The following XYLB variants were observed in gnomAD, a reference collection of about 807,000 sequenced individuals.
The protein encoded by XYLB is xylulose kinase.
Under a neutral mutation model 78.7 loss-of-function variants are expected in XYLB, and 62 were observed. That is an observed-to-expected ratio of 0.79 (90% confidence interval 0.64 to 0.97). The LOEUF (loss-of-function observed/expected upper bound fraction) is 0.97, where lower values mean the gene tolerates loss of function less well. XYLB is among the 50% of genes least tolerant of loss of function. XYLB has a pLI of 0.00. For missense variants in XYLB, 687 were observed against 676.8 expected (o/e 1.02, Z -0.17); for synonymous variants, 245 against 247.4 (o/e 0.99, Z 0.09).
chr3:38,386,968 C>A (rs1348381851), intron 15 of XYLB, among the ~76,000 whole-genome samples: 1 of 152,300 alleles, frequency 6.6e-6, no homozygotes, highest in South Asian at 2.1e-4. Context: ...TTCTTGACTT[C>A]TAATGTTTCA....
intron 14 of XYLB, 133 bp from the exon 15 acceptor site, chr3:38,379,113 A>G (rs1575495811): frequency 1.3e-6 from 1 of 789,180 alleles, no homozygotes; most frequent in Non-Finnish European, 2.2e-6. Flanking sequence ...AGGCAAAGAT[A>G]GTGGTTAAAG....
chr3:38,372,834 G>A, intron 10 of XYLB, 98 bp downstream of exon 10: 2 of 1,354,642 alleles, frequency 1.5e-6, no homozygotes, highest in Non-Finnish European at 2.1e-6. Context: ...AACCTTCTGT[G>A]GTCATTCCTC....
intron 18 of XYLB, among the ~76,000 whole-genome samples, chr3:38,408,879 T>C (rs1708450622): frequency 1.3e-5 from 2 of 152,112 alleles, no homozygotes; most frequent in Admixed American, 1.3e-4. Flanking sequence ...GGCTCTGAAA[T>C]TGTGGCAATA....
intron 3 of XYLB, among the ~76,000 whole-genome samples, chr3:38,362,592 G>A (rs1032974649): frequency 3.3e-5 from 5 of 152,120 alleles, no homozygotes; most frequent in African/African-American, 1.2e-4. Flanking sequence ...GGCCTGGGAG[G>A]TTGAGGCTGC....
At chr3:38,433,584 C>T in the XYLB span, among the ~76,000 whole-genome samples, 1 of 152,200 alleles carries the variant, frequency 6.6e-6, no homozygotes, top group Non-Finnish European at 1.5e-5. Flanking sequence ...GTTCAAAGTT[C>T]CACAGATCTC....
In XYLB at chr3:38,365,616, C is replaced by T. The variant is rs17854787; in HGVS notation, c.387C>T (p.Phe129=). Residue 129 remains phenylalanine, a synonymous_variant, in exon 6 of 19, where the codon TTC becomes TTT. Coordinates refer to ENST00000207870, the MANE Select transcript of XYLB (RefSeq NM_005108.4). The part of the protein sequence containing the change: ...LRLHQQLQDC[F]SISDCPVWMD... ...TTTGCCCTCCTTCCCAGGACTGTTT[C>T]TCCATCAGCGACTGCCCGGTGTGGA... The T allele has an allele frequency of 6.2e-7, 1 of 1,612,080 alleles. No homozygotes were observed. The highest frequency in any genetic ancestry group is 8.5e-7 in the Non-Finnish European group (1 of 1,178,626).
chr3:38,427,466 G>A, the XYLB span, among the ~76,000 whole-genome samples: 4 of 152,172 alleles, frequency 2.6e-5, no homozygotes, highest in African/African-American at 9.7e-5. Context: ...CTGGTCATTT[G>A]TGTTTTTTCT....
the XYLB span, among the ~76,000 whole-genome samples, chr3:38,437,473 C>T: frequency 1.4e-4 from 21 of 152,262 alleles, no homozygotes; most frequent in African/African-American, 3.6e-4. Flanking sequence ...TCAAATTTTG[C>T]TGTTTGTTGA....
intron 15 of XYLB, among the ~76,000 whole-genome samples, chr3:38,380,282 G>A (rs1707084824): frequency 6.6e-6 from 1 of 152,134 alleles, no homozygotes; most frequent in Non-Finnish European, 1.5e-5. Context: ...CAGGGCCGGG[G>A]GAGGCAAAAG....
intron 7 of XYLB, among the ~76,000 whole-genome samples, chr3:38,367,609 G>A (rs1559584348): frequency 6.6e-6 from 1 of 152,202 alleles, no homozygotes; most frequent in Non-Finnish European, 1.5e-5. Context: ...TTGCCTGACA[G>A]AGGACAGGAG....
At chr3:38,446,449 T>G in the XYLB span, among the ~76,000 whole-genome samples, 1 of 152,200 alleles carries the variant, frequency 6.6e-6, no homozygotes. Context: ...CCAGCTGGTT[T>G]CACCTCTCAG....
At chr3:38,392,770 T>C (rs1052135340) in intron 15 of XYLB, among the ~76,000 whole-genome samples, 3 of 152,236 alleles carry the variant, frequency 2.0e-5, no homozygotes, top group African/African-American at 7.2e-5. Context: ...GTTGCAGATA[T>C]CTCTCATTTA....
At chr3:38,432,402 A>C in the XYLB span, among the ~76,000 whole-genome samples, 1 of 152,036 alleles carries the variant, frequency 6.6e-6, no homozygotes. Flanking sequence ...TCCCATCTCT[A>C]CTAAAAATAC....
At chr3:38,371,325 G>A (rs2125593383) in intron 9 of XYLB, among the ~76,000 whole-genome samples, 1 of 151,356 alleles carries the variant, frequency 6.6e-6, no homozygotes, top group African/African-American at 2.4e-5. Flanking sequence ...CCAGGCTGGA[G>A]TGCAGTGGCG....
At chr3:38,431,718 A>T in the XYLB span, among the ~76,000 whole-genome samples, 1 of 152,118 alleles carries the variant, frequency 6.6e-6, no homozygotes, top group Non-Finnish European at 1.5e-5. Flanking sequence ...TAATTGACTC[A>T]TGTTTCCCCT....
downstream of XYLB, among the ~76,000 whole-genome samples, chr3:38,419,940 C>A (rs956659346): frequency 6.6e-6 from 1 of 152,048 alleles, no homozygotes; most frequent in Non-Finnish European, 1.5e-5. Flanking sequence ...CTGCCTTAGC[C>A]TCCCGAGTAA....
chr3:38,446,940 G>C, the XYLB span, among the ~76,000 whole-genome samples: 5 of 152,224 alleles, frequency 3.3e-5, no homozygotes, highest in South Asian at 2.1e-4. Context: ...AAACTAAAAG[G>C]CTTCTGCAAA....
At chr3:38,433,273 G>C in the XYLB span, among the ~76,000 whole-genome samples, 1 of 152,220 alleles carries the variant, frequency 6.6e-6, no homozygotes, top group Admixed American at 6.5e-5. Context: ...GAGGGCCTGG[G>C]CCTGGCCCAC....
intron 18 of XYLB, 28 bp from the exon 19 acceptor site, chr3:38,412,908 T>C: frequency 6.3e-7 from 1 of 1,595,544 alleles, no homozygotes; most frequent in Non-Finnish European, 8.5e-7. Context: ...TCCCCCTCTG[T>C]TCTAAACTGC....
Sources: gnomAD v4.1 joint callset for allele counts (sites outside exome capture counted in the v4.1 genomes callset) on GRCh38, gnomAD v4.1.1 for gene constraint, MANE v1.5 for transcripts, NCBI Gene and HGNC (gene_info 2026-07-23, HGNC 2026-07-21) for gene names.